URI1: variants seen among roughly 807,000 people sequenced by gnomAD.
The protein encoded by URI1 is unconventional prefoldin RPB5 interactor 1.
Under a neutral mutation model 60.2 loss-of-function variants are expected in URI1, and 39 were observed. The observed-to-expected ratio is 0.65, with a 90% CI of 0.50 to 0.85. The LOEUF (loss-of-function observed/expected upper bound fraction) is 0.85, where lower values mean the gene tolerates loss of function less well. Among genes scored for constraint, URI1 ranks in the 40% least tolerant of loss-of-function variants. The probability of loss-of-function intolerance (pLI) is 0.00; values close to 1 mark genes in which losing one functional copy is unlikely to be tolerated. For synonymous variants in URI1, 251 were observed against 236.8 expected (o/e 1.06, Z -0.55); for missense variants, 691 against 665.9 (o/e 1.04, Z -0.42).
chr19:29,990,578 C>T (rs2055734339), intron 4 of URI1, among the ~76,000 whole-genome samples: 1 of 152,084 alleles, frequency 6.6e-6, no homozygotes, highest in Non-Finnish European at 1.5e-5. Context: ...AAGATGTGTA[C>T]CTTGAAAACA....
At chr19:29,993,791 G>A (rs956143198) in intron 4 of URI1, among the ~76,000 whole-genome samples, 1 of 152,046 alleles carries the variant, frequency 6.6e-6, no homozygotes, top group African/African-American at 2.4e-5. Context: ...TGGAGGCATC[G>A]CTGTTATCAG....
intron 2 of URI1, among the ~76,000 whole-genome samples, chr19:29,981,123 T>C (rs2055592523): frequency 6.6e-6 from 1 of 152,040 alleles, no homozygotes; most frequent in Non-Finnish European, 1.5e-5. Context: ...ATTTTTATTT[T>C]TGTCAGTCAC....
intron 1 of URI1, among the ~76,000 whole-genome samples, chr19:29,955,614 T>C (rs1373201968): frequency 6.6e-6 from 1 of 152,206 alleles, no homozygotes; most frequent in Non-Finnish European, 1.5e-5. Context: ...ATTGGCTGTT[T>C]CCTGTGATCT....
upstream of URI1, among the ~76,000 whole-genome samples, chr19:29,939,840 G>T (rs1408759016): frequency 2.0e-5 from 3 of 152,176 alleles, no homozygotes; most frequent in African/African-American, 7.2e-5. Context: ...AAATTGTTGT[G>T]GTTGGCTTGA....
At chr19:29,986,838 T>C (rs560925489) in intron 4 of URI1, among the ~76,000 whole-genome samples, 1 of 152,310 alleles carries the variant, frequency 6.6e-6, no homozygotes, top group East Asian at 1.9e-4. Context: ...TTTACATAAG[T>C]AGACAATTCT....
chr19:29,989,070 G>A (rs1251378583), intron 4 of URI1, among the ~76,000 whole-genome samples: 2 of 151,316 alleles, frequency 1.3e-5, no homozygotes, highest in Non-Finnish European at 2.9e-5. Context: ...TTTACCTGTT[G>A]AACTCTTTTG....
chr19:29,969,526 T>C (rs1378600978), intron 1 of URI1, among the ~76,000 whole-genome samples: 1 of 152,234 alleles, frequency 6.6e-6, no homozygotes, highest in African/African-American at 2.4e-5. Flanking sequence ...TTAAATAATG[T>C]AAATGATTAT....
upstream of URI1, among the ~76,000 whole-genome samples, chr19:29,941,401 G>A (rs1244238287): frequency 6.6e-6 from 1 of 152,056 alleles, no homozygotes; most frequent in Admixed American, 6.6e-5. Flanking sequence ...AGCTAAGACA[G>A]GAGGCTCGCT....
At chr19:29,924,613 C>T (rs2054850078) in intron 1 of URI1, among the ~76,000 whole-genome samples, 2 of 152,184 alleles carry the variant, frequency 1.3e-5, no homozygotes, top group African/African-American at 4.8e-5. Flanking sequence ...GGTTGAGCCC[C>T]AGGCCAGAGC....
chr19:29,996,450 AT>A (rs540942937), intron 4 of URI1, among the ~76,000 whole-genome samples: 42 of 151,216 alleles, frequency 2.8e-4, no homozygotes, highest in African/African-American at 1.0e-3. Flanking sequence ...ACTTTGCTGA[AT>A]TTTTTTTATT....
intron 3 of URI1, 64 bp downstream of exon 3, chr19:29,985,365 G>A (rs563516182): frequency 1.4e-5 from 20 of 1,387,510 alleles, no homozygotes; most frequent in South Asian, 4.9e-5. Context: ...ACTATGTGTC[G>A]GTTCACAGAA....
At position 29,942,600 on chromosome 19, in the gene URI1, C is replaced by G. The variant is rs1484382994; in HGVS notation, c.53C>G (p.Pro18Arg). 3.4e-6 allele frequency: 5 copies of G among 1,455,860 alleles called. No homozygotes were observed. The African/African-American group carries it at 4.4e-5, about 13-fold the overall frequency. 90.2% of individuals were successfully genotyped at this position (1,455,860 alleles called of 1,614,324 possible). ...CCCGACCCCTCGCCCCCTTCGGCCC[C>G]GGCCCCTGCCCTGGTTCCGTTGCGC... The part of the protein sequence containing the change: ...TPPDPSPPSA[P>R]APALVPLRAP... Residue 18 changes from proline (P) to arginine (R), a missense_variant, in exon 1 of 11, where the codon CCG becomes CGG. Coordinates refer to ENST00000392271, the MANE Select transcript of URI1 (RefSeq NM_003796.3).
intron 4 of URI1, among the ~76,000 whole-genome samples, chr19:29,991,257 A>C (rs2055742470): frequency 6.6e-6 from 1 of 152,120 alleles, no homozygotes; most frequent in Admixed American, 6.6e-5. Flanking sequence ...CTGTAAATAC[A>C]GTGTATCTCT....
chr19:30,015,219 GA>G lies in URI1; in HGVS notation c.*157del, dbSNP rs951506789. ...TCTTTTACCCTTACCCGTGGTATTT[GA>G]AAAAAATCAAGGTAACTGTCTGAAT... On this transcript the variant is annotated 3_prime_UTR_variant, in exon 11 of 11. Transcript: ENST00000392271. 23 of 1,420,736 alleles carry G rather than the reference GA, an allele frequency of 1.6e-5. No homozygotes were observed. In the African/African-American group the frequency reaches 2.6e-4, roughly 16 times the overall value. 88.0% of individuals were successfully genotyped at this position (1,420,736 alleles called of 1,614,324 possible). A position where few individuals can be genotyped will look rare whatever the true frequency, so the allele number is the denominator to read the frequency against.
At chr19:29,928,178 C>T (rs549928616) in intron 1 of URI1, among the ~76,000 whole-genome samples, 1 of 152,200 alleles carries the variant, frequency 6.6e-6, no homozygotes, top group South Asian at 2.1e-4. Context: ...TGAATGAGAG[C>T]TGCCCGGCTG....
chr19:29,927,753 T>A (rs949643703), intron 1 of URI1, among the ~76,000 whole-genome samples: 3 of 151,460 alleles, frequency 2.0e-5, no homozygotes, highest in African/African-American at 7.3e-5. Flanking sequence ...ATTTTTGTAT[T>A]TTTAGTAGAG....
intron 2 of URI1, among the ~76,000 whole-genome samples, chr19:29,973,347 G>A (rs1183495691): frequency 2.0e-5 from 3 of 152,126 alleles, no homozygotes; most frequent in Non-Finnish European, 2.9e-5. Context: ...GGCTGGAGCC[G>A]TTCTTAGGGT....
At chr19:29,981,212 A>G (rs1366820061) in intron 2 of URI1, among the ~76,000 whole-genome samples, 1 of 152,090 alleles carries the variant, frequency 6.6e-6, no homozygotes, top group Non-Finnish European at 1.5e-5. Context: ...CAAATTTCAA[A>G]CATATGGAAG....
At chr19:29,942,098 C>A, upstream of URI1, 2 of 449,846 alleles carry the variant, frequency 4.4e-6, no homozygotes, top group Non-Finnish European at 5.9e-6. Context: ...GGGATACAAA[C>A]GCAGCCCAGC....
Sources: gnomAD v4.1 joint callset for allele counts (sites outside exome capture counted in the v4.1 genomes callset) on GRCh38, gnomAD v4.1.1 for gene constraint, MANE v1.5 for transcripts, NCBI Gene and HGNC (gene_info 2026-07-23, HGNC 2026-07-21) for gene names.